The following NEURL4 variants were observed in gnomAD, a reference collection of about 807,000 sequenced individuals.
NEURL4 encodes the protein neuralized E3 ubiquitin protein ligase 4.
NEURL4 carries 45 observed loss-of-function variants against 148.0 expected under a neutral mutation model. That is an observed-to-expected ratio of 0.30 (90% CI 0.24 to 0.39). NEURL4 has a LOEUF of 0.39. Among genes scored for constraint, NEURL4 ranks in the 10% least tolerant of loss-of-function variants. The pLI is 1.00. For synonymous variants in NEURL4, 854 were observed against 869.0 expected, an observed-to-expected ratio of 0.98 and a Z score of 0.30; for missense variants, 1,776 against 2,144.0, an observed-to-expected ratio of 0.83 and a Z score of 3.39.
chr17:7,329,097 G>A lies in NEURL4; in HGVS notation c.216C>T (p.His72=), dbSNP rs774053502. 3.1e-6 allele frequency: 5 copies of A among 1,610,066 alleles called. No homozygotes were observed. The highest frequency in any genetic ancestry group is 2.2e-5 in the East Asian group (1 of 44,822). Residue 72 remains histidine (H), a synonymous_variant, in exon 1 of 29, where the codon CAC becomes CAT. Coordinates refer to ENST00000399464, the MANE Select transcript of NEURL4 (RefSeq NM_032442.3). ...AGGGTTCTCGGCTCAACACCAGCCC[G>A]TGGTTAAACTCCTGGCCCGGCTGCT... ...RRQQPGQEFN[H]GLVLSREPLR... is the part of the protein sequence containing the mutation.
Position 7,325,206 on chromosome 17 carries a change from T to C in NEURL4, c.1631+3A>G, listed in dbSNP as rs2143013168. ...AGGCTTCTCCCCACCCCATGGGCCA[T>C]ACTGGGGCCTCAGGGCAGTGCGTCC... On this transcript the variant is annotated splice_donor_region_variant and intron_variant, in intron 8 of 28. Transcript: ENST00000399464. The C allele has an allele frequency of 7.6e-7, 1 of 1,322,300 alleles. No individual in the cohort carries two copies. The highest frequency in any genetic ancestry group is 4.5e-5 in the East Asian group (1 of 22,242). 81.9% of individuals were successfully genotyped at this position (1,322,300 alleles called of 1,614,324 possible). A position where few individuals can be genotyped will look rare whatever the true frequency, so the allele number is the denominator to read the frequency against.
rs771575603 is a variant in NEURL4 at position 7,323,580 on chromosome 17, G to T, written c.2339-17C>A. ...CAGTCACTCCTGGGAGGAGGCAGGG[G>T]TAAGTCAAGGCCGATCCCCAAGGCA... On this transcript the variant is annotated splice_polypyrimidine_tract_variant and intron_variant, in intron 13 of 28. Transcript: ENST00000399464. 1 of 1,614,122 alleles carries T rather than the reference G, an allele frequency of 6.2e-7. No individual in the cohort carries two copies. Among genetic ancestry groups the T allele is most frequent in the South Asian group, 1.1e-5 (1 of 91,078 alleles).
rs768119489 is a variant in NEURL4, at chr17:7,323,921, G to A, written c.2154C>T (p.Arg718=). The A allele has an allele frequency of 7.4e-6, 12 of 1,613,636 alleles. No individual in the cohort carries two copies. The highest frequency in any genetic ancestry group is 1.0e-5 in the Non-Finnish European group (12 of 1,180,028). ...PSSGAGGSDL[R]FHQLHGSNAV... ...CGTTACTGCCGTGCAGCTGATGGAA[G>A]CGCAGGTCAGAGCCCCCGGCCCCTG... Residue 718 remains arginine (R), a synonymous_variant, in exon 12 of 29, where the codon CGC becomes CGT. Coordinates refer to ENST00000399464, the MANE Select transcript of NEURL4 (RefSeq NM_032442.3).
Position 7,327,140 on chromosome 17 carries a change from C to G in NEURL4, c.793+25G>C, listed in dbSNP as rs754174334. The G allele has an allele frequency of 6.8e-6, 11 of 1,610,478 alleles. No individual in the cohort carries two copies. The South Asian group carries it at 1.2e-4, about 18-fold the overall frequency. ...GTCCACCTCACTTCCCACTCCCCTT[C>G]CCAGGGCCTCCCCAAAGCCCTCACC... On this transcript the variant is annotated intron_variant, in intron 3 of 28. Coordinates refer to ENST00000399464, the MANE Select transcript of NEURL4 (RefSeq NM_032442.3). The surrounding 1 kb of genome is among the most constrained non-coding windows in gnomAD (Gnocchi z 6.6).
At chr17:7,320,709 A>C in intron 21 of NEURL4, 50 bp downstream of exon 21, 1 of 1,554,426 alleles carries the variant, frequency 6.4e-7, no homozygotes. Flanking sequence ...GGGGTTGGCC[A>C]TGGGTCACTG....
rs757721370 is a variant in NEURL4 at position 7,327,143 on chromosome 17, A to T, written c.793+22T>A. 1.2e-6 allele frequency: 2 copies of T among 1,610,464 alleles called. No homozygotes were observed. The highest frequency in any genetic ancestry group is 2.7e-5 in the African/African-American group (2 of 74,816). On this transcript the variant is annotated intron_variant, in intron 3 of 28. Coordinates refer to ENST00000399464, the MANE Select transcript of NEURL4 (RefSeq NM_032442.3). This position sits in a 1 kb window ranked among gnomAD's most constrained non-coding sequence, Gnocchi z 6.6. ...CACCTCACTTCCCACTCCCCTTCCC[A>T]GGGCCTCCCCAAAGCCCTCACCATT...
In NEURL4 at chr17:7,319,182, C is replaced by T; in HGVS notation, c.3552G>A (p.Gln1184=). ...CTCCCAGGACAAGGGAAGATGTCCA[C>T]TGTCGGTTTAGGAAATCTATCCGCA... The part of the protein sequence containing the change: ...VQVRIDFLNR[Q]WTSSLVLGVI... The change falls in exon 22 of 29, where the codon CAG becomes CAA. Residue 1184 remains glutamine, a synonymous_variant. Coordinates refer to ENST00000399464, the MANE Select transcript of NEURL4 (RefSeq NM_032442.3). 1 of 1,613,402 alleles carries T rather than the reference C, an allele frequency of 6.2e-7. No individual in the cohort carries two copies. The highest frequency in any genetic ancestry group is 8.5e-7 in the Non-Finnish European group (1 of 1,179,626).
chr17:7,328,435 ACTCT>A (rs566404350), intron 1 of NEURL4, among the ~76,000 whole-genome samples: 468 of 151,606 alleles, frequency 3.1e-3, no homozygotes, highest in Non-Finnish European at 5.2e-3. Context: ...AGTCTCACTC[ACTCT>A]ATTGCCCAGG....
chr17:7,318,783 GC>G lies in NEURL4; in HGVS notation c.3685-110del. ...GTGCCTTGGCTTTGCCTCCATGCTT[GC>G]CCACTGCCGAGGTTCTCCTCCCACT... On this transcript the variant is annotated intron_variant, in intron 22 of 28. Transcript: ENST00000399464. This position sits in a 1 kb window ranked among gnomAD's most constrained non-coding sequence, Gnocchi z 4.3. The G allele has an allele frequency of 8.0e-7, 1 of 1,244,788 alleles. No homozygotes were observed. The highest frequency in any genetic ancestry group is 1.1e-6 in the Non-Finnish European group (1 of 907,162). The allele number at this position is 1,244,788 out of a possible 1,614,324, so 77.1% of individuals were successfully genotyped here. A position where few individuals can be genotyped will look rare whatever the true frequency, so the allele number is the denominator to read the frequency against.
At chr17:7,319,944 C>G (rs561396087) in intron 21 of NEURL4, among the ~76,000 whole-genome samples, 4 of 151,872 alleles carry the variant, frequency 2.6e-5, no homozygotes, top group African/African-American at 9.7e-5. Context: ...ATTCTCCTGC[C>G]TCAGCCTCCC....
intron 21 of NEURL4, 140 bp downstream of exon 21, chr17:7,320,619 C>T (rs1283535311): frequency 4.2e-6 from 3 of 710,162 alleles, no homozygotes; most frequent in Non-Finnish European, 7.0e-6. Flanking sequence ...ACCCTCATTA[C>T]AGGCTATGAA....
At position 7,322,011 on chromosome 17, in the gene NEURL4, C is replaced by T; in HGVS notation, c.2726-1G>A. 1.2e-6 allele frequency: 2 copies of T among 1,603,688 alleles called. No homozygotes were observed. Among genetic ancestry groups the T allele is most frequent in the Non-Finnish European group, 1.7e-6 (2 of 1,175,768 alleles). ...TGGAATCGGTGAGCCACGCCAGCCA[C>T]TGTGAAGAGATGGCACCAGTAGAAG... On this transcript the variant is annotated splice_acceptor_variant, in intron 16 of 28. Coordinates refer to ENST00000399464, the MANE Select transcript of NEURL4 (RefSeq NM_032442.3). LOFTEE classifies it high-confidence loss of function. The surrounding 1 kb of genome is among the most constrained non-coding windows in gnomAD (Gnocchi z 5.5).
intron 1 of NEURL4, among the ~76,000 whole-genome samples, chr17:7,328,376 C>T (rs1445969403): frequency 6.6e-6 from 1 of 152,208 alleles, no homozygotes. Flanking sequence ...ACCTATCTTT[C>T]TGGCACAGCC....
chr17:7,327,274 T>C lies in NEURL4; in HGVS notation c.728-44A>G. The C allele has an allele frequency of 6.5e-7, 1 of 1,544,266 alleles. No individual in the cohort carries two copies. The highest frequency in any genetic ancestry group is 8.7e-7 in the Non-Finnish European group (1 of 1,143,454). Reference sequence around the variant, plus strand: ...GGGAGGGGAATAAGGGTTCAGTCCCTGCTTCACGGCCCATAGCCAGGAGAA... The same window carrying C: ...GGGAGGGGAATAAGGGTTCAGTCCCCGCTTCACGGCCCATAGCCAGGAGAA... On this transcript the variant is annotated intron_variant, in intron 2 of 28. Transcript: ENST00000399464. This position sits in a 1 kb window ranked among gnomAD's most constrained non-coding sequence, Gnocchi z 6.6.
rs764373485 is a variant in NEURL4, at chr17:7,323,737, G to C, written c.2262-14C>G. Reference sequence around the variant, plus strand: ...TCCCGCAGGGCCCTGCCAGGAGACTGGCGATCAGAGAGGCTCTACTTGCAT... The same window carrying C: ...TCCCGCAGGGCCCTGCCAGGAGACTCGCGATCAGAGAGGCTCTACTTGCAT... On this transcript the variant is annotated splice_polypyrimidine_tract_variant and intron_variant, in intron 12 of 28. Transcript: ENST00000399464. The C allele has an allele frequency of 6.2e-7, 1 of 1,614,090 alleles. No individual in the cohort carries two copies. Among genetic ancestry groups the C allele is most frequent in the South Asian group, 1.1e-5 (1 of 91,078 alleles).
chr17:7,323,597 C>A, intron 13 of NEURL4, 34 bp from the exon 14 acceptor site: 1 of 1,614,058 alleles, frequency 6.2e-7, no homozygotes, highest in Non-Finnish European at 8.5e-7. Flanking sequence ...AAGGCCGATC[C>A]CCAAGGCACA....
In NEURL4 at chr17:7,322,093, A is replaced by G; in HGVS notation, c.2726-83T>C. 1.3e-6 allele frequency: 2 copies of G among 1,481,752 alleles called. No individual in the cohort carries two copies. Among genetic ancestry groups the G allele is most frequent in the Non-Finnish European group, 1.8e-6 (2 of 1,112,046 alleles). 91.8% of individuals were successfully genotyped at this position (1,481,752 alleles called of 1,614,324 possible). A position where few individuals can be genotyped will look rare whatever the true frequency, so the allele number is the denominator to read the frequency against. On this transcript the variant is annotated intron_variant, in intron 16 of 28. Coordinates refer to ENST00000399464, the MANE Select transcript of NEURL4 (RefSeq NM_032442.3). The surrounding 1 kb of genome is among the most constrained non-coding windows in gnomAD (Gnocchi z 5.5). ...AACACAGAGCAAAGCTTTCAGATGA[A>G]ACGAAATGGGGATGCCAACGCCCCA... is the stretch of plus-strand genomic sequence containing the variant.
chr17:7,317,254 A>G lies in NEURL4; in HGVS notation c.4435T>C (p.Ser1479Pro), dbSNP rs770926795. ...REEQPPPVLL[S>P]PSLQYAGAET... Reference sequence around the variant, plus strand: ...GCCCCAGCATATTGAAGGGAGGGGGAAAGCAGCACAGGAGGGGGCTGCTCC... The same window carrying G: ...GCCCCAGCATATTGAAGGGAGGGGGGAAGCAGCACAGGAGGGGGCTGCTCC... Residue 1479 changes from serine to proline, a missense_variant, in exon 28 of 29, where the codon TCC becomes CCC. Physicochemically the swap from Ser to Pro is moderately conservative, Grantham distance 74 (BLOSUM62 -1). Transcript: ENST00000399464. 6.6e-7 allele frequency: 1 copy of G among 1,522,164 alleles called. No individual in the cohort carries two copies. The highest frequency in any genetic ancestry group is 8.8e-7 in the Non-Finnish European group (1 of 1,136,784). The allele number at this position is 1,522,164 out of a possible 1,614,324, so 94.3% of individuals were successfully genotyped here.
chr17:7,325,276 G>C lies in NEURL4; in HGVS notation c.1564C>G (p.Leu522Val), dbSNP rs567580499. ...PAAQAEPERL[L>V]FHPNCGQKAA... ...TTCTGCCCACAGTTGGGGTGGAAGA[G>C]CAGGCGCTCAGGTTCTGCCTGGGCG... Residue 522 changes from leucine (L) to valine (V), a missense_variant, in exon 8 of 29, where the codon CTC becomes GTC. Coordinates refer to ENST00000399464, the MANE Select transcript of NEURL4 (RefSeq NM_032442.3). 1.2e-6 allele frequency: 2 copies of C among 1,608,278 alleles called. No homozygotes were observed. The highest frequency in any genetic ancestry group is 4.5e-5 in the East Asian group (2 of 44,798).
Sources: gnomAD v4.1 joint callset for allele counts (sites outside exome capture counted in the v4.1 genomes callset) on GRCh38, gnomAD v4.1.1 for gene constraint, Gnocchi (gnomAD v3.1) non-coding constraint, MANE v1.5 for transcripts, NCBI Gene and HGNC (gene_info 2026-07-23, HGNC 2026-07-21) for gene names.